Variants in SLC24A2 observed in about 807,000 individuals in gnomAD.
SLC24A2 encodes the protein sodium/potassium/calcium exchanger 2.
A neutral mutation model predicts 62.0 loss-of-function variants in SLC24A2; 36 were observed. The ratio of observed to expected loss-of-function variants is 0.58; its 90% CI spans 0.44 to 0.77. SLC24A2 has a LOEUF of 0.77. Among genes scored for constraint, SLC24A2 ranks in the 30% least tolerant of loss-of-function variants. The pLI is 0.00. For synonymous variants in SLC24A2, 358 were observed against 294.0 expected (o/e 1.22, Z -2.23); for missense variants, 846 against 817.9 (o/e 1.03, Z -0.42).
chr9:19,553,936 C>A (rs1337063810), intron 7 of SLC24A2, among the ~76,000 whole-genome samples: 1 of 152,132 alleles, frequency 6.6e-6, no homozygotes, highest in South Asian at 2.1e-4. Context: ...TGTGTTCCCT[C>A]CAATCATGCC....
chr9:20,022,888 A>G, the SLC24A2 span, among the ~76,000 whole-genome samples: 1 of 152,222 alleles, frequency 6.6e-6, no homozygotes, highest in African/African-American at 2.4e-5. Flanking sequence ...GGGAGGCATT[A>G]TTCTATGCAT....
chr9:19,583,235 C>A (rs1281076238), intron 5 of SLC24A2, among the ~76,000 whole-genome samples: 2 of 152,198 alleles, frequency 1.3e-5, no homozygotes, highest in Non-Finnish European at 2.9e-5. Context: ...CACAATCTCA[C>A]CTCTGTGCCA....
the SLC24A2 span, among the ~76,000 whole-genome samples, chr9:19,857,746 GTTT>G: frequency 1.0e-4 from 15 of 148,302 alleles, no homozygotes; most frequent in African/African-American, 2.7e-4. Context: ...ACTTCAGTAG[GTTT>G]TTTTTTTTTT....
chr9:19,712,206 T>A (rs1345535009), intron 2 of SLC24A2, among the ~76,000 whole-genome samples: 1 of 152,182 alleles, frequency 6.6e-6, no homozygotes, highest in Non-Finnish European at 1.5e-5. Flanking sequence ...CTGTTAGGAA[T>A]GTGATGTGGC....
At chr9:19,697,525 A>G (rs1235815653) in intron 2 of SLC24A2, among the ~76,000 whole-genome samples, 2 of 152,216 alleles carry the variant, frequency 1.3e-5, no homozygotes, top group African/African-American at 4.8e-5. Flanking sequence ...AAGCATAAAA[A>G]GTATCTGTTC....
the SLC24A2 span, among the ~76,000 whole-genome samples, chr9:19,840,691 T>C: frequency 6.6e-6 from 1 of 152,166 alleles, no homozygotes; most frequent in Non-Finnish European, 1.5e-5. Flanking sequence ...CAATGAGTTT[T>C]GACAAGCGCA....
chr9:20,167,486 T>C, the SLC24A2 span, among the ~76,000 whole-genome samples: 1 of 151,904 alleles, frequency 6.6e-6, no homozygotes, highest in Non-Finnish European at 1.5e-5. Flanking sequence ...TGCAAATAGA[T>C]AGATAGATAT....
intron 2 of SLC24A2, among the ~76,000 whole-genome samples, chr9:19,749,676 A>G (rs928323982): frequency 3.3e-5 from 5 of 152,214 alleles, no homozygotes; most frequent in African/African-American, 1.2e-4. Context: ...CATTTTTAGT[A>G]TGTCCCAAAT....
At chr9:20,144,836 T>C in the SLC24A2 span, among the ~76,000 whole-genome samples, 1 of 152,112 alleles carries the variant, frequency 6.6e-6, no homozygotes, top group Non-Finnish European at 1.5e-5. Context: ...TTGGAAATGT[T>C]AGTTTAAAAA....
At chr9:19,557,138 A>G (rs193225951) in intron 7 of SLC24A2, among the ~76,000 whole-genome samples, 18 of 152,292 alleles carry the variant, frequency 1.2e-4, no homozygotes, top group Admixed American at 6.5e-4. Context: ...GTCCCAGCTT[A>G]AGGATCTTCC....
At chr9:19,668,290 G>C (rs1248990733) in intron 2 of SLC24A2, among the ~76,000 whole-genome samples, 1 of 152,164 alleles carries the variant, frequency 6.6e-6, no homozygotes, top group Non-Finnish European at 1.5e-5. Flanking sequence ...TCAGAGCATG[G>C]AAGTCATTCC....
At chr9:19,691,542 C>G (rs909978727) in intron 2 of SLC24A2, among the ~76,000 whole-genome samples, 1 of 152,088 alleles carries the variant, frequency 6.6e-6, no homozygotes, top group Non-Finnish European at 1.5e-5. Context: ...TCTATCTCTG[C>G]GATTATTAAC....
chr9:20,248,592 C>T, the SLC24A2 span, among the ~76,000 whole-genome samples: 1 of 152,196 alleles, frequency 6.6e-6, no homozygotes, highest in Non-Finnish European at 1.5e-5. Context: ...GGGCTCCACC[C>T]TCATGACCTG....
the SLC24A2 span, among the ~76,000 whole-genome samples, chr9:20,237,615 C>T: frequency 6.6e-6 from 1 of 152,210 alleles, no homozygotes; most frequent in Non-Finnish European, 1.5e-5. Context: ...GTGCATTTCT[C>T]TTTTTATGTT....
At chr9:19,901,291 C>A in the SLC24A2 span, among the ~76,000 whole-genome samples, 3 of 152,076 alleles carry the variant, frequency 2.0e-5, no homozygotes. Context: ...GGGGAGGACT[C>A]AGGGGATGCT....
chr9:19,824,848 A>AG, the SLC24A2 span, among the ~76,000 whole-genome samples: 1 of 152,022 alleles, frequency 6.6e-6, no homozygotes, highest in South Asian at 2.1e-4. Context: ...CCATAAAAAA[A>AG]GATGAGTTCA....
chr9:20,033,147 A>C, the SLC24A2 span, among the ~76,000 whole-genome samples: 4 of 152,242 alleles, frequency 2.6e-5, no homozygotes, highest in African/African-American at 9.6e-5. Context: ...GTGTCTGAGA[A>C]ACATGACTGT....
chr9:20,079,210 C>G, the SLC24A2 span, among the ~76,000 whole-genome samples: 18 of 152,246 alleles, frequency 1.2e-4, no homozygotes, highest in East Asian at 3.3e-3. Context: ...GATGAGAGCC[C>G]TGCTAATACT....
At chr9:20,051,700 C>A in the SLC24A2 span, among the ~76,000 whole-genome samples, 3 of 115,120 alleles carry the variant, frequency 2.6e-5, no homozygotes, top group Non-Finnish European at 5.2e-5. Context: ...CCCAGCCCAA[C>A]CTTCCATTTG....
Sources: gnomAD v4.1 joint callset for allele counts (sites outside exome capture counted in the v4.1 genomes callset) on GRCh38, gnomAD v4.1.1 for gene constraint, MANE v1.5 for transcripts, NCBI Gene and HGNC (gene_info 2026-07-23, HGNC 2026-07-21) for gene names.